CD5: variants seen among roughly 807,000 people sequenced by gnomAD.
CD5 encodes CD5 molecule, also known as T-cell surface glycoprotein CD5.
CD5 carries 36 observed loss-of-function variants against 60.3 expected under a neutral mutation model. That is an observed-to-expected ratio of 0.60 (90% CI 0.46 to 0.79). The LOEUF (loss-of-function observed/expected upper bound fraction) is 0.79. CD5 is among the 30% of genes least tolerant of loss of function. CD5 has a pLI of 0.00. For missense variants in CD5, 540 were observed against 630.6 expected (o/e 0.86, Z 1.54); for synonymous variants, 230 against 257.6 (o/e 0.89, Z 1.03).
intron 1 of CD5, among the ~76,000 whole-genome samples, chr11:61,107,915 G>A (rs1363323995): frequency 6.6e-6 from 1 of 152,094 alleles, no homozygotes; most frequent in East Asian, 1.9e-4. Flanking sequence ...CCCTCCTTCT[G>A]GCCCCAGTTT....
rs1327864125 is a variant in CD5, at chr11:61,118,315, A to G, written c.235A>G (p.Lys79Glu). 2 of 1,614,244 alleles carry G rather than the reference A, an allele frequency of 1.2e-6. No individual in the cohort carries two copies. The highest frequency in any genetic ancestry group is 1.1e-5 in the South Asian group (1 of 91,088). Residue 79 changes from lysine (K) to glutamate (E), a missense_variant, in exon 3 of 11, where the codon AAA becomes GAA. Lys to Glu is a moderately conservative substitution (Grantham distance 56). Coordinates refer to ENST00000347785, the MANE Select transcript of CD5 (RefSeq NM_014207.4). This position sits in a 1 kb window ranked among gnomAD's most constrained non-coding sequence, Gnocchi z 4.7. ...KQWEDPSQAS[K>E]VCQRLNCGVP... ...GTGGGAGGACCCCAGTCAAGCGTCA[A>G]AAGTCTGCCAGCGGCTGAACTGTGG...
intron 9 of CD5, 66 bp downstream of exon 9, chr11:61,125,217 G>T: frequency 1.3e-6 from 2 of 1,590,908 alleles, no homozygotes; most frequent in South Asian, 2.2e-5. Flanking sequence ...GGCAGGTCAC[G>T]TGATGCCCTT....
At chr11:61,115,220 A>G in intron 2 of CD5, 126 bp downstream of exon 2, 1 of 784,248 alleles carries the variant, frequency 1.3e-6, no homozygotes. Flanking sequence ...CCCTATAGAG[A>G]GAGTGAACCC....
Position 61,118,898 on chromosome 11 carries a change from A to C in CD5, c.401-17A>C, listed in dbSNP as rs771969765. ...CCACACCACCCATTCCTCCCTCACC[A>C]GAGTGTCTCATTGCAGAACCCCAGA... On this transcript the variant is annotated splice_polypyrimidine_tract_variant and intron_variant, in intron 3 of 10. Transcript: ENST00000347785. The surrounding 1 kb of genome is among the most constrained non-coding windows in gnomAD (Gnocchi z 4.7). 2 of 1,609,716 alleles carry C rather than the reference A, an allele frequency of 1.2e-6. No individual in the cohort carries two copies. Among genetic ancestry groups the C allele is most frequent in the Non-Finnish European group, 1.7e-6 (2 of 1,176,406 alleles).
intron 1 of CD5, among the ~76,000 whole-genome samples, chr11:61,109,739 A>T (rs572350): frequency 6.6e-6 from 1 of 151,840 alleles, no homozygotes; most frequent in African/African-American, 2.4e-5. Flanking sequence ...CGGGAGCTCC[A>T]GGGGTGTGAT....
intron 1 of CD5, among the ~76,000 whole-genome samples, chr11:61,102,843 C>T (rs866564797): frequency 1.3e-5 from 2 of 152,226 alleles, no homozygotes; most frequent in African/African-American, 2.4e-5. Flanking sequence ...CTCTCATGCG[C>T]TGTTGAGAAC....
chr11:61,108,256 A>AG (rs1256835675), intron 1 of CD5, among the ~76,000 whole-genome samples: 3 of 152,214 alleles, frequency 2.0e-5, no homozygotes, highest in Non-Finnish European at 2.9e-5. Context: ...ATGCAACAGC[A>AG]GACTACTAGT....
chr11:61,114,290 C>T (rs1413388398), intron 1 of CD5, among the ~76,000 whole-genome samples: 1 of 152,004 alleles, frequency 6.6e-6, no homozygotes, highest in Admixed American at 6.6e-5. Flanking sequence ...CTATTCTACT[C>T]CATTTCATTT....
rs1345564438 is a variant in CD5, at chr11:61,123,039, G to A, written c.1225+7G>A. ...AAGAAGCTAGTGAAGAAATGTAGGT[G>A]TCACGGCCCTGAGTGGCTCCGTTCC... is the stretch of plus-strand genomic sequence containing the variant. On this transcript the variant is annotated splice_region_variant and intron_variant, in intron 7 of 10. Coordinates refer to ENST00000347785, the MANE Select transcript of CD5 (RefSeq NM_014207.4). The A allele has an allele frequency of 1.2e-6, 2 of 1,606,150 alleles. No individual in the cohort carries two copies.
In CD5 at chr11:61,118,879, C is replaced by G. The variant is rs1217863875; in HGVS notation, c.401-36C>G. 1 of 1,566,220 alleles carries G rather than the reference C, an allele frequency of 6.4e-7. No homozygotes were observed. Among genetic ancestry groups the G allele is most frequent in the Non-Finnish European group, 8.8e-7 (1 of 1,137,652 alleles). On this transcript the variant is annotated intron_variant, in intron 3 of 10. Transcript: ENST00000347785. This position sits in a 1 kb window ranked among gnomAD's most constrained non-coding sequence, Gnocchi z 4.7. ...TGGCTGCCCCCGGCCCTCCCCACAC[C>G]ACCCATTCCTCCCTCACCAGAGTGT...
chr11:61,118,077 G>A lies in CD5; in HGVS notation c.95-98G>A. The stretch of plus-strand genomic sequence containing the variant: ...GCAAGGCAGGCAGCCCACGGGGCAG[G>A]AGGGAGCTCAACTGGGCGTCCTAGG... On this transcript the variant is annotated intron_variant, in intron 2 of 10. Coordinates refer to ENST00000347785, the MANE Select transcript of CD5 (RefSeq NM_014207.4). The surrounding 1 kb of genome is among the most constrained non-coding windows in gnomAD (Gnocchi z 4.7). The A allele has an allele frequency of 1.6e-6, 2 of 1,287,724 alleles. No individual in the cohort carries two copies. Among genetic ancestry groups the A allele is most frequent in the Non-Finnish European group, 1.1e-6 (1 of 915,902 alleles). The allele number at this position is 1,287,724 out of a possible 1,614,324, so 79.8% of individuals were successfully genotyped here.
At chr11:61,106,734 G>C (rs1207314869) in intron 1 of CD5, among the ~76,000 whole-genome samples, 2 of 152,152 alleles carry the variant, frequency 1.3e-5, no homozygotes, top group Non-Finnish European at 2.9e-5. Flanking sequence ...GAACACATAT[G>C]TGCACAGCCC....
intron 5 of CD5, among the ~76,000 whole-genome samples, chr11:61,120,125 G>A (rs1861035990): frequency 6.6e-6 from 1 of 152,176 alleles, no homozygotes; most frequent in Non-Finnish European, 1.5e-5. Flanking sequence ...ACAAGGTAAA[G>A]AGAATGATGC....
intron 1 of CD5, among the ~76,000 whole-genome samples, chr11:61,108,677 T>C (rs1860808217): frequency 6.6e-6 from 1 of 152,186 alleles, no homozygotes; most frequent in African/African-American, 2.4e-5. Flanking sequence ...ATCTATTGTA[T>C]TTCATGGACA....
intron 5 of CD5, among the ~76,000 whole-genome samples, chr11:61,120,024 C>T (rs1287775984): frequency 1.3e-5 from 2 of 152,154 alleles, no homozygotes; most frequent in Non-Finnish European, 2.9e-5. Flanking sequence ...TGGGAGGTCC[C>T]TGAGGCCCGG....
intron 2 of CD5, among the ~76,000 whole-genome samples, chr11:61,117,366 T>C (rs538430354): frequency 8.3e-4 from 127 of 152,360 alleles, no homozygotes; most frequent in Non-Finnish European, 1.6e-3. Context: ...GGGAACTTTC[T>C]AGATGATGGA....
chr11:61,102,452 CTGAGCACGCCA>C, upstream of CD5: 6 of 651,234 alleles, frequency 9.2e-6, no homozygotes, highest in Admixed American at 2.5e-5. Flanking sequence ...CCACCCCTCC[CTGAGCACGCCA>C]CCCCGCCCTC....
At chr11:61,122,008 G>C (rs1861067904) in intron 6 of CD5, 104 bp downstream of exon 6, 2 of 971,942 alleles carry the variant, frequency 2.1e-6, no homozygotes, top group East Asian at 6.0e-5. Context: ...GAGCTAGACA[G>C]AGAGTCCCAG....
chr11:61,095,555 G>C, the CD5 span, among the ~76,000 whole-genome samples: 1 of 152,118 alleles, frequency 6.6e-6, no homozygotes, highest in African/African-American at 2.4e-5. Context: ...AAAGGTGAAG[G>C]GTGCTCCAGG....
Sources: allele counts gnomAD v4.1 joint callset (sites outside exome capture counted in the v4.1 genomes callset), GRCh38; gene constraint gnomAD v4.1.1; non-coding constraint Gnocchi (gnomAD v3.1); transcripts MANE v1.5; gene names NCBI Gene and HGNC (gene_info 2026-07-23, HGNC 2026-07-21).